INPP4A: variants seen among roughly 807,000 people sequenced by gnomAD.
The protein encoded by INPP4A is inositol polyphosphate-4-phosphatase type I A.
In INPP4A, 33 loss-of-function variants were observed where a neutral mutation model predicts 119.8. The observed-to-expected ratio is 0.28, with a 90% CI of 0.21 to 0.37. The LOEUF is 0.37. INPP4A is among the 10% of genes least tolerant of loss of function. The pLI is 1.00. For synonymous variants in INPP4A, 496 were observed against 500.7 expected, an observed-to-expected ratio of 0.99 and a Z score of 0.12; for missense variants, 956 against 1,289.9, an observed-to-expected ratio of 0.74 and a Z score of 3.97.
In INPP4A at chr2:98,563,474, G is replaced by A. The variant is rs1695863238; in HGVS notation, c.1865G>A (p.Ser622Asn). 1 of 1,612,928 alleles carries A rather than the reference G, an allele frequency of 6.2e-7. No homozygotes were observed. The highest frequency in any genetic ancestry group is 1.7e-4 in the Middle Eastern group (1 of 6,056). The change falls in exon 18 of 25, where the codon AGT becomes AAT. Residue 622 changes from serine (S) to asparagine (N), a missense_variant. Ser to Asn is a conservative substitution (Grantham distance 46). Transcript: ENST00000409851. The part of the protein sequence containing the change: ...PPEESSPGEW[S>N]EALYPLLTTL... ...TTCGCTTGTGCCCCAGGTGAATGGA[G>A]TGAGGCCCTTTACCCGCTGCTGACC...
chr2:98,476,402 G>C (rs780241150), intron 1 of INPP4A, among the ~76,000 whole-genome samples: 1 of 152,234 alleles, frequency 6.6e-6, no homozygotes, highest in Non-Finnish European at 1.5e-5. Flanking sequence ...TGTCCCTCGG[G>C]AGGGTTCACA....
At position 98,562,238 on chromosome 2, in the gene INPP4A, A is replaced by G. The variant is rs192517748; in HGVS notation, c.1856-1227A>G. 1.3e-3 allele frequency among the ~76,000 whole-genome samples: 200 copies of G among 152,370 alleles called. No homozygotes were observed. In the Middle Eastern group the frequency reaches 0.027, roughly 21 times the overall value. ...AACAGTTAGCGTGCCTGCATGTACA[A>G]TTAGGCCACCTCCAACTTTTGAGCT... On this transcript the variant is annotated intron_variant, in intron 17 of 24. Coordinates refer to ENST00000409851, the MANE Select transcript of INPP4A (RefSeq NM_001134225.2).
At chr2:98,541,326 C>CAA (rs962914329) in intron 10 of INPP4A, among the ~76,000 whole-genome samples, 8 of 81,238 alleles carry the variant, frequency 9.8e-5, no homozygotes, top group African/African-American at 3.3e-4. Context: ...GACTCCGTCT[C>CAA]AAAAAAAAAA....
chr2:98,481,645 T>C (rs1364026662), intron 1 of INPP4A, among the ~76,000 whole-genome samples: 1 of 152,220 alleles, frequency 6.6e-6, no homozygotes, highest in Non-Finnish European at 1.5e-5. Flanking sequence ...GGATTTATTA[T>C]GTTTCCAAGT....
At position 98,489,543 on chromosome 2, in the gene INPP4A, C is replaced by A. The variant is rs1202711296; in HGVS notation, c.-165-29421C>A. 2.0e-5 allele frequency among the ~76,000 whole-genome samples: 3 copies of A among 152,136 alleles called. No homozygotes were observed. The East Asian group carries it at 5.8e-4, about 29-fold the overall frequency. The stretch of plus-strand genomic sequence containing the variant: ...CCAAGTGAGGGCTGTCATTTACACA[C>A]CGTCTGTCGATAACATTGGTACCAA... On this transcript the variant is annotated intron_variant, in intron 1 of 24. Coordinates refer to ENST00000409851, the MANE Select transcript of INPP4A (RefSeq NM_001134225.2).
chr2:98,488,723 T>C (rs1279989197), intron 1 of INPP4A, among the ~76,000 whole-genome samples: 2 of 152,070 alleles, frequency 1.3e-5, no homozygotes, highest in Non-Finnish European at 1.5e-5. Flanking sequence ...CGAGAAGCTA[T>C]GTAGACAGGA....
At chr2:98,504,114 C>G (rs1349313762) in intron 1 of INPP4A, among the ~76,000 whole-genome samples, 1 of 152,208 alleles carries the variant, frequency 6.6e-6, no homozygotes, top group African/African-American at 2.4e-5. Flanking sequence ...GGTCAGTTCA[C>G]TGTGGAAGAG....
intron 1 of INPP4A, among the ~76,000 whole-genome samples, chr2:98,473,544 C>T (rs560757923): frequency 1.4e-4 from 22 of 152,072 alleles, no homozygotes; most frequent in African/African-American, 5.1e-4. Context: ...GGGCTGACAC[C>T]GTGTGGTGGG....
intron 1 of INPP4A, among the ~76,000 whole-genome samples, chr2:98,465,775 G>T (rs1480760848): frequency 2.0e-5 from 3 of 152,130 alleles, no homozygotes; most frequent in African/African-American, 7.2e-5. Flanking sequence ...TTTGAAAAAA[G>T]AGTTTTTCAA....
chr2:98,469,015 A>G (rs915403593), intron 1 of INPP4A, among the ~76,000 whole-genome samples: 32 of 152,118 alleles, frequency 2.1e-4, no homozygotes, highest in African/African-American at 7.7e-4. Context: ...ATAGTGTTGC[A>G]ATTTTCCCCA....
chr2:98,469,053 G>A (rs1675413843), intron 1 of INPP4A, among the ~76,000 whole-genome samples: 1 of 152,170 alleles, frequency 6.6e-6, no homozygotes, highest in South Asian at 2.1e-4. Flanking sequence ...CATCACCTAG[G>A]GGCTTTTGAA....
In INPP4A at chr2:98,571,648, C is replaced by T. The variant is rs184701530; in HGVS notation, c.2519-1167C>T. ...CCAGGAAGCTGGGGCAGATGTGAGCCAGGTACCCCTCCCCTCAGCAGGATG... is the reference window on the plus strand; with the variant it reads ...CCAGGAAGCTGGGGCAGATGTGAGCTAGGTACCCCTCCCCTCAGCAGGATG... On this transcript the variant is annotated intron_variant, in intron 22 of 24. Coordinates refer to ENST00000409851, the MANE Select transcript of INPP4A (RefSeq NM_001134225.2). Among the ~76,000 whole-genome samples the T allele has an allele frequency of 2.2e-3, 339 of 152,342 alleles. 2 individuals are homozygous for T. The highest frequency in any genetic ancestry group is 5.2e-3 in the South Asian group (25 of 4,828).
intron 4 of INPP4A, among the ~76,000 whole-genome samples, chr2:98,532,383 T>C (rs907969571): frequency 1.4e-5 from 2 of 139,300 alleles, no homozygotes; most frequent in Non-Finnish European, 3.2e-5. Flanking sequence ...TTGGAGTTAA[T>C]ACTTTTTTCT....
chr2:98,467,880 ATAGT>A (rs759727939), intron 1 of INPP4A, among the ~76,000 whole-genome samples: 24 of 152,274 alleles, frequency 1.6e-4, no homozygotes, highest in Admixed American at 5.9e-4. Flanking sequence ...TAACTGTCTA[ATAGT>A]TATTTATTTC....
chr2:98,538,115 G>A (rs1378832962), intron 8 of INPP4A, 141 bp downstream of exon 8: 2 of 612,832 alleles, frequency 3.3e-6, no homozygotes, highest in Non-Finnish European at 5.8e-6. Context: ...GGACACTCCG[G>A]TCCTCCTTAG....
intron 5 of INPP4A, 138 bp downstream of exon 5, chr2:98,533,633 A>G (rs1689666767): frequency 3.3e-6 from 2 of 611,718 alleles, no homozygotes; most frequent in South Asian, 3.9e-5. Flanking sequence ...ATGGGTTTTC[A>G]GTACATTGAT....
intron 1 of INPP4A, among the ~76,000 whole-genome samples, chr2:98,455,410 A>G (rs1695961960): frequency 6.6e-6 from 1 of 151,822 alleles, no homozygotes; most frequent in Admixed American, 6.6e-5. Context: ...GGAAGAGGGG[A>G]GTGAGTAAAT....
chr2:98,447,939 T>C (rs1694488014), intron 1 of INPP4A, among the ~76,000 whole-genome samples: 1 of 148,654 alleles, frequency 6.7e-6, no homozygotes, highest in Non-Finnish European at 1.5e-5. Flanking sequence ...CCCAGCTGCT[T>C]GGGAGGCTGA....
intron 4 of INPP4A, chr2:98,521,675 T>TA (rs917856960): frequency 3.3e-5 from 5 of 152,294 alleles, no homozygotes; most frequent in Non-Finnish European, 7.3e-5. Flanking sequence ...CTCACACCTG[T>TA]AATCCTAGCA....
Sources: allele counts gnomAD v4.1 joint callset (sites outside exome capture counted in the v4.1 genomes callset), GRCh38; gene constraint gnomAD v4.1.1; transcripts MANE v1.5; gene names NCBI Gene and HGNC (gene_info 2026-07-23, HGNC 2026-07-21).